Variants in TSPAN18 observed in about 807,000 individuals in gnomAD.
The protein encoded by TSPAN18 is tetraspanin-18.
A neutral mutation model predicts 27.3 loss-of-function variants in TSPAN18; 14 were observed. The ratio of observed to expected loss-of-function variants is 0.51; its 90% CI spans 0.34 to 0.80. TSPAN18 has a LOEUF of 0.80. Among genes scored for constraint, TSPAN18 ranks in the 30% least tolerant of loss-of-function variants. TSPAN18 has a pLI of 0.01. For synonymous variants in TSPAN18, 143 were observed against 136.5 expected (o/e 1.05, Z -0.33); for missense variants, 268 against 323.9 (o/e 0.83, Z 1.32).
At chr11:44,766,768 A>C (rs1176195780) in intron 2 of TSPAN18, among the ~76,000 whole-genome samples, 3 of 152,246 alleles carry the variant, frequency 2.0e-5, no homozygotes, top group Non-Finnish European at 4.4e-5. Context: ...GCAGAGAGGC[A>C]TGTGCTGTCA....
At chr11:44,883,350 C>T (rs530991286) in intron 3 of TSPAN18, among the ~76,000 whole-genome samples, 2 of 152,346 alleles carry the variant, frequency 1.3e-5, no homozygotes, top group East Asian at 1.9e-4. Flanking sequence ...GTTTCTGCAA[C>T]ATTGGCACTG....
At chr11:44,847,249 C>T (rs1857504125) in intron 2 of TSPAN18, among the ~76,000 whole-genome samples, 2 of 152,194 alleles carry the variant, frequency 1.3e-5, no homozygotes, top group Non-Finnish European at 2.9e-5. Flanking sequence ...TGGAGGTGGA[C>T]AAGCACAGGA....
chr11:44,788,456 C>CT (rs11458938), intron 2 of TSPAN18, among the ~76,000 whole-genome samples: 24,864 of 126,734 alleles, frequency 0.2, 2,832 homozygotes, highest in East Asian at 0.24. Context: ...CTTTTTTTCT[C>CT]TTTTTTTTTT....
At chr11:44,868,164 A>G (rs925211174) in intron 3 of TSPAN18, among the ~76,000 whole-genome samples, 47 of 152,014 alleles carry the variant, frequency 3.1e-4, no homozygotes, top group Non-Finnish European at 2.2e-4. Flanking sequence ...CTGTTACTAG[A>G]TCCTTCCCTC....
At chr11:44,766,039 G>C (rs1855561291) in intron 2 of TSPAN18, among the ~76,000 whole-genome samples, 1 of 152,116 alleles carries the variant, frequency 6.6e-6, no homozygotes, top group Admixed American at 6.5e-5. Context: ...TAGGTGGTTG[G>C]GGTGTGCAGA....
intron 2 of TSPAN18, among the ~76,000 whole-genome samples, chr11:44,765,998 G>A (rs767872910): frequency 3.3e-5 from 5 of 152,134 alleles, no homozygotes; most frequent in Non-Finnish European, 5.9e-5. Context: ...CTCAACACCC[G>A]CTCCACCTGC....
intron 2 of TSPAN18, among the ~76,000 whole-genome samples, chr11:44,812,154 A>G (rs1410481804): frequency 6.6e-6 from 1 of 152,204 alleles, no homozygotes; most frequent in Non-Finnish European, 1.5e-5. Flanking sequence ...GGCAGGTCTA[A>G]CCAAGGCAAA....
intron 4 of TSPAN18, among the ~76,000 whole-genome samples, chr11:44,908,453 G>T (rs564962091): frequency 1.3e-5 from 2 of 152,214 alleles, no homozygotes; most frequent in African/African-American, 4.8e-5. Flanking sequence ...AATGGAATAG[G>T]CTGGGCGCAG....
At chr11:44,849,827 A>T (rs704668) in intron 2 of TSPAN18, among the ~76,000 whole-genome samples, 96,136 of 152,036 alleles carry the variant, frequency 0.63, 31,852 homozygotes, top group Non-Finnish European at 0.73. Flanking sequence ...CTCAGTTTAA[A>T]GACCCCTCCC....
At chr11:44,875,858 A>G (rs771325968) in intron 3 of TSPAN18, among the ~76,000 whole-genome samples, 8 of 152,224 alleles carry the variant, frequency 5.3e-5, no homozygotes, top group Non-Finnish European at 1.2e-4. Flanking sequence ...GTACTTAATG[A>G]ATGGTAGGTG....
intron 2 of TSPAN18, among the ~76,000 whole-genome samples, chr11:44,845,425 G>C (rs948957730): frequency 6.6e-6 from 1 of 152,216 alleles, no homozygotes; most frequent in South Asian, 2.1e-4. Flanking sequence ...GACATGGTGT[G>C]TATATACCAG....
In TSPAN18 at chr11:44,917,975, T is replaced by C; in HGVS notation, c.262T>C (p.Phe88Leu). Residue 88 changes from phenylalanine (F) to leucine (L), a missense_variant, in exon 6 of 10, where the codon TTC becomes CTC. Coordinates refer to ENST00000520358, the MANE Select transcript of TSPAN18 (RefSeq NM_130783.5). ...RENKCLLLFFFLFILIIFLAE... is the reference protein window; with the variant it reads ...RENKCLLLFFLLFILIIFLAE... ...AAGGCTGTTCCTCTCCCTGCAGTTCTTCCTGTTCATCCTGATCATCTTCCT... is the reference window on the plus strand; with the variant it reads ...AAGGCTGTTCCTCTCCCTGCAGTTCCTCCTGTTCATCCTGATCATCTTCCT... 1 of 1,614,154 alleles carries C rather than the reference T, an allele frequency of 6.2e-7. No homozygotes were observed. Among genetic ancestry groups the C allele is most frequent in the Non-Finnish European group, 8.5e-7 (1 of 1,180,016 alleles).
At chr11:44,897,198 T>G (rs1383539693) in intron 3 of TSPAN18, among the ~76,000 whole-genome samples, 1 of 152,228 alleles carries the variant, frequency 6.6e-6, no homozygotes, top group Non-Finnish European at 1.5e-5. Flanking sequence ...TTTTGACTTC[T>G]GAAATCGAAC....
chr11:44,845,328 T>G (rs1480223147), intron 2 of TSPAN18, among the ~76,000 whole-genome samples: 1 of 152,192 alleles, frequency 6.6e-6, no homozygotes, highest in South Asian at 2.1e-4. Flanking sequence ...GACCTACAAC[T>G]TATAGAGCTG....
At chr11:44,912,872 G>A (rs1302302596) in intron 5 of TSPAN18, among the ~76,000 whole-genome samples, 1 of 134,072 alleles carries the variant, frequency 7.5e-6, no homozygotes, top group Non-Finnish European at 1.6e-5. Context: ...ATATATGCAT[G>A]TGCACATGTG....
At chr11:44,887,021 C>G (rs979227766) in intron 3 of TSPAN18, among the ~76,000 whole-genome samples, 2 of 152,244 alleles carry the variant, frequency 1.3e-5, no homozygotes, top group Admixed American at 6.5e-5. Context: ...AGAATTTACT[C>G]TTGCTGTCCT....
At chr11:44,731,633 T>TGTGAGAGA (rs139154582) in intron 1 of TSPAN18, among the ~76,000 whole-genome samples, 1,837 of 107,316 alleles carry the variant, frequency 0.017, 34 homozygotes, top group South Asian at 0.051. Context: ...TGTGTGTGTG[T>TGTGAGAGA]GAGAGAGAGA....
chr11:44,791,335 T>G (rs1212488175), intron 2 of TSPAN18, among the ~76,000 whole-genome samples: 1 of 152,214 alleles, frequency 6.6e-6, no homozygotes, highest in Non-Finnish European at 1.5e-5. Context: ...CGGGGAGATA[T>G]GCCTGAAGTG....
chr11:44,742,589 C>T (rs1426580599), intron 1 of TSPAN18, among the ~76,000 whole-genome samples: 2 of 152,204 alleles, frequency 1.3e-5, no homozygotes, highest in Non-Finnish European at 2.9e-5. Flanking sequence ...GTCCCTGACT[C>T]AGACTCCTCT....
Sources: gnomAD v4.1 joint callset for allele counts (sites outside exome capture counted in the v4.1 genomes callset) on GRCh38, gnomAD v4.1.1 for gene constraint, MANE v1.5 for transcripts, NCBI Gene and HGNC (gene_info 2026-07-23, HGNC 2026-07-21) for gene names.